Variants in TMEM132D observed in about 807,000 individuals in gnomAD.
The protein encoded by TMEM132D is transmembrane protein 132D.
Under a neutral mutation model 62.3 loss-of-function variants are expected in TMEM132D, and 21 were observed. That is an observed-to-expected ratio of 0.34 (90% confidence interval 0.24 to 0.49). TMEM132D has a LOEUF of 0.49. Ranked by LOEUF, TMEM132D falls within the 20% of genes least tolerant of loss-of-function variation. TMEM132D has a pLI of 0.99. For missense variants in TMEM132D, 1,346 were observed against 1,402.8 expected (o/e 0.96, Z 0.65); for synonymous variants, 621 against 575.6 (o/e 1.08, Z -1.13).
chr12:129,158,871 C>A (rs1180783152), intron 5 of TMEM132D, among the ~76,000 whole-genome samples: 1 of 152,156 alleles, frequency 6.6e-6, no homozygotes, highest in African/African-American at 2.4e-5. Context: ...AACTTACAGT[C>A]ATGGCAGAAG....
intron 4 of TMEM132D, among the ~76,000 whole-genome samples, chr12:129,333,701 C>A (rs1482292): frequency 0.12 from 18,442 of 152,224 alleles, 1,359 homozygotes; most frequent in East Asian, 0.27. Context: ...ATAGCTCACT[C>A]TCTCCAGCCT....
At chr12:129,814,987 G>T (rs796444273) in intron 1 of TMEM132D, among the ~76,000 whole-genome samples, 8 of 152,194 alleles carry the variant, frequency 5.3e-5, no homozygotes, top group African/African-American at 1.9e-4. Flanking sequence ...CCTTCCATTT[G>T]TAATTACTTT....
intron 3 of TMEM132D, among the ~76,000 whole-genome samples, chr12:129,487,528 C>A (rs1688396914): frequency 6.6e-6 from 1 of 152,112 alleles, no homozygotes; most frequent in Admixed American, 6.5e-5. Flanking sequence ...GAACTTCCTA[C>A]AGAACCTGGT....
chr12:129,092,199 A>G (rs1874944580), intron 5 of TMEM132D, among the ~76,000 whole-genome samples: 1 of 152,100 alleles, frequency 6.6e-6, no homozygotes, highest in Non-Finnish European at 1.5e-5. Flanking sequence ...TGTGAATTTA[A>G]TGCCATTTCC....
chr12:129,686,787 T>C (rs886610355), intron 2 of TMEM132D, among the ~76,000 whole-genome samples: 1 of 152,220 alleles, frequency 6.6e-6, no homozygotes, highest in Non-Finnish European at 1.5e-5. Flanking sequence ...TCTGTCTTCC[T>C]ACATTTCTTG....
intron 2 of TMEM132D, among the ~76,000 whole-genome samples, chr12:129,616,154 A>C (rs766309170): frequency 7.9e-5 from 12 of 152,236 alleles, no homozygotes; most frequent in Non-Finnish European, 1.8e-4. Context: ...TTTCACTATA[A>C]ATGGGATAGA....
At chr12:129,584,293 C>T (rs1045974267) in intron 2 of TMEM132D, among the ~76,000 whole-genome samples, 1 of 152,188 alleles carries the variant, frequency 6.6e-6, no homozygotes, top group African/African-American at 2.4e-5. Context: ...ATAGATTTCT[C>T]TTATTTTCAG....
At chr12:129,231,195 T>C (rs1403329009) in intron 4 of TMEM132D, among the ~76,000 whole-genome samples, 11 of 152,232 alleles carry the variant, frequency 7.2e-5, no homozygotes, top group Admixed American at 3.9e-4. Context: ...ATGCAAGCGC[T>C]TCCTGGCATG....
At chr12:129,362,167 A>T (rs553826064) in intron 3 of TMEM132D, among the ~76,000 whole-genome samples, 4 of 152,176 alleles carry the variant, frequency 2.6e-5, no homozygotes, top group Admixed American at 1.3e-4. Flanking sequence ...GTCATTTCTA[A>T]AGATCGGTTC....
intron 4 of TMEM132D, among the ~76,000 whole-genome samples, chr12:129,255,009 C>G (rs1474031188): frequency 1.3e-5 from 2 of 152,070 alleles, no homozygotes. Flanking sequence ...TTAGCACTGT[C>G]CCTTTGGTGC....
chr12:129,213,067 G>GCT (rs1565999466), intron 4 of TMEM132D, among the ~76,000 whole-genome samples: 1 of 152,206 alleles, frequency 6.6e-6, no homozygotes, highest in African/African-American at 2.4e-5. Flanking sequence ...GGAAAAGGAG[G>GCT]CTACTAACAA....
intron 2 of TMEM132D, among the ~76,000 whole-genome samples, chr12:129,591,044 T>A (rs1700242200): frequency 6.6e-6 from 1 of 152,128 alleles, no homozygotes; most frequent in Admixed American, 6.5e-5. Flanking sequence ...ATTGAAGACA[T>A]CTGGACATCT....
chr12:129,788,467 G>T (rs1182495840), intron 1 of TMEM132D, among the ~76,000 whole-genome samples: 1 of 152,116 alleles, frequency 6.6e-6, no homozygotes, highest in Non-Finnish European at 1.5e-5. Context: ...ATTTTTCAAA[G>T]GAAATAATCA....
intron 4 of TMEM132D, among the ~76,000 whole-genome samples, chr12:129,221,626 G>C (rs1879347837): frequency 6.6e-6 from 1 of 152,098 alleles, no homozygotes; most frequent in African/African-American, 2.4e-5. Context: ...TAGTATGAAG[G>C]TCTCACATCC....
chr12:129,129,010 C>T (rs1273350514), intron 5 of TMEM132D, among the ~76,000 whole-genome samples: 1 of 151,894 alleles, frequency 6.6e-6, no homozygotes, highest in African/African-American at 2.4e-5. Flanking sequence ...CTTTCAGATG[C>T]AGGGGATACA....
chr12:129,150,595 C>A (rs1476669506), intron 5 of TMEM132D, among the ~76,000 whole-genome samples: 2 of 152,158 alleles, frequency 1.3e-5, no homozygotes, highest in Non-Finnish European at 2.9e-5. Flanking sequence ...CAGAGGCCAC[C>A]CAGGTGACCA....
chr12:129,185,811 C>CT (rs56931832), intron 5 of TMEM132D, among the ~76,000 whole-genome samples: 14,731 of 60,772 alleles, frequency 0.24, 752 homozygotes, highest in East Asian at 0.35. Context: ...ATCTATCTAT[C>CT]ATCTATCTAT....
chr12:129,612,184 T>C (rs1436590525), intron 2 of TMEM132D, among the ~76,000 whole-genome samples: 1 of 152,012 alleles, frequency 6.6e-6, no homozygotes, highest in African/African-American at 2.4e-5. Context: ...GCCCTGTAAG[T>C]TCTCCCTACA....
intron 5 of TMEM132D, among the ~76,000 whole-genome samples, chr12:129,143,543 G>A (rs893302005): frequency 6.6e-6 from 1 of 152,242 alleles, no homozygotes; most frequent in East Asian, 1.9e-4. Context: ...CCTCTGGCTG[G>A]TGAAAAATCG....
Sources: gnomAD v4.1 joint callset for allele counts (sites outside exome capture counted in the v4.1 genomes callset) on GRCh38, gnomAD v4.1.1 for gene constraint, MANE v1.5 for transcripts, NCBI Gene and HGNC (gene_info 2026-07-23, HGNC 2026-07-21) for gene names.